PARD3: variants seen among roughly 807,000 people sequenced by gnomAD.
PARD3 encodes the protein par-3 family cell polarity regulator.
Under a neutral mutation model 155.4 loss-of-function variants are expected in PARD3, and 75 were observed. That is an observed-to-expected ratio of 0.48 (90% CI 0.40 to 0.58). PARD3 has a LOEUF of 0.58. Among genes scored for constraint, PARD3 ranks in the 20% least tolerant of loss-of-function variants. PARD3 has a pLI of 0.00. For synonymous variants in PARD3, 576 were observed against 610.5 expected (o/e 0.94, Z 0.83); for missense variants, 1,642 against 1,721.7 (o/e 0.95, Z 0.82).
chr10:34,293,178 T>G (rs1344985901), intron 20 of PARD3, among the ~76,000 whole-genome samples: 3 of 152,180 alleles, frequency 2.0e-5, no homozygotes, highest in Admixed American at 1.3e-4. Flanking sequence ...ACATATAATC[T>G]ATACTTACAG....
At chr10:34,795,925 A>T (rs982912968) in intron 1 of PARD3, among the ~76,000 whole-genome samples, 1 of 145,874 alleles carries the variant, frequency 6.9e-6, no homozygotes, top group East Asian at 2.0e-4. Context: ...TAACATAAAT[A>T]AAAAAATTAA....
intron 24 of PARD3, among the ~76,000 whole-genome samples, chr10:34,115,793 A>C (rs1209656767): frequency 6.6e-6 from 1 of 151,392 alleles, no homozygotes; most frequent in East Asian, 1.9e-4. Context: ...GCTCACTGCA[A>C]GCTCCGCCTC....
At chr10:34,579,502 C>T (rs1026189608) in intron 2 of PARD3, among the ~76,000 whole-genome samples, 2 of 151,416 alleles carry the variant, frequency 1.3e-5, no homozygotes, top group African/African-American at 4.9e-5. Context: ...CGTAAGAAGC[C>T]TAGTTCACTG....
chr10:34,759,146 A>G (rs934268394), intron 1 of PARD3, among the ~76,000 whole-genome samples: 9 of 152,214 alleles, frequency 5.9e-5, no homozygotes, highest in Non-Finnish European at 1.0e-4. Context: ...CTCAATACTG[A>G]GAATAGATAC....
chr10:34,159,906 T>TCAAGG (rs1369846819), intron 22 of PARD3, among the ~76,000 whole-genome samples: 2 of 152,242 alleles, frequency 1.3e-5, no homozygotes, highest in Non-Finnish European at 2.9e-5. Flanking sequence ...TGAATCTGCC[T>TCAAGG]TGATACGAGG....
At chr10:34,607,251 A>G (rs1367608657) in intron 2 of PARD3, among the ~76,000 whole-genome samples, 1 of 152,210 alleles carries the variant, frequency 6.6e-6, no homozygotes, top group African/African-American at 2.4e-5. Flanking sequence ...TTACAGATAA[A>G]TGCACAACAC....
intron 5 of PARD3, among the ~76,000 whole-genome samples, chr10:34,425,944 C>T (rs1387023622): frequency 6.6e-6 from 1 of 152,124 alleles, no homozygotes; most frequent in Admixed American, 6.5e-5. Flanking sequence ...ATCATAAACA[C>T]AACAATGATT....
intron 1 of PARD3, among the ~76,000 whole-genome samples, chr10:34,698,294 C>T (rs1034071907): frequency 1.3e-5 from 2 of 152,164 alleles, no homozygotes; most frequent in Non-Finnish European, 2.9e-5. Flanking sequence ...TGGACTTTCT[C>T]AACCTCATAA....
At chr10:34,128,693 C>T (rs921460978) in intron 23 of PARD3, among the ~76,000 whole-genome samples, 4 of 152,156 alleles carry the variant, frequency 2.6e-5, no homozygotes, top group Non-Finnish European at 5.9e-5. Flanking sequence ...AATTAATCTT[C>T]CTCAAACCCT....
intron 19 of PARD3, among the ~76,000 whole-genome samples, chr10:34,329,529 C>G (rs966982383): frequency 8.6e-5 from 13 of 152,016 alleles, no homozygotes; most frequent in Non-Finnish European, 1.5e-5. Context: ...TCTTGGAGAC[C>G]AGGTTTGGCA....
At chr10:34,674,000 AAC>A (rs1352001742) in intron 2 of PARD3, among the ~76,000 whole-genome samples, 2 of 151,730 alleles carry the variant, frequency 1.3e-5, no homozygotes, top group African/African-American at 4.8e-5. Context: ...AAAAAAAACA[AAC>A]AAACAGGAGG....
intron 22 of PARD3, among the ~76,000 whole-genome samples, chr10:34,203,561 T>C (rs564352991): frequency 3.3e-5 from 5 of 152,358 alleles, no homozygotes; most frequent in African/African-American, 9.6e-5. Context: ...AAATCATCTC[T>C]AGATTGCCTA....
At chr10:34,490,348 G>A (rs1436730) in intron 3 of PARD3, among the ~76,000 whole-genome samples, 11,411 of 152,196 alleles carry the variant, frequency 0.075, 1,311 homozygotes, top group African/African-American at 0.25. Context: ...GGGGATTTGT[G>A]AGAAGAAATG....
intron 15 of PARD3, chr10:34,345,845 G>A: frequency 6.1e-6 from 6 of 984,820 alleles, no homozygotes; most frequent in Non-Finnish European, 7.2e-6. Flanking sequence ...GATTCTTACG[G>A]CCAAAGATAC....
At chr10:34,344,035 G>A (rs111928291) in intron 15 of PARD3, 105 of 963,478 alleles carry the variant, frequency 1.1e-4, no homozygotes, top group South Asian at 1.4e-4. Flanking sequence ...TTCTAAATAC[G>A]TCTTCTTAAA....
At chr10:34,496,418 G>C (rs2080292706) in intron 3 of PARD3, among the ~76,000 whole-genome samples, 1 of 152,072 alleles carries the variant, frequency 6.6e-6, no homozygotes, top group African/African-American at 2.4e-5. Context: ...AAAAGATCCA[G>C]GTAATAATTA....
chr10:34,445,530 A>G lies in PARD3; in HGVS notation c.714+4787T>C, dbSNP rs1589603042. On this transcript the variant is annotated intron_variant, in intron 5 of 24. Coordinates refer to ENST00000374788, the MANE Select transcript of PARD3 (RefSeq NM_001184785.2). ...AGACTTAGGTACCTTCTCAGTCCAC[A>G]TAGACAACTAACTCAAATAACTTCA... is the stretch of plus-strand genomic sequence containing the variant. 2.0e-5 allele frequency among the ~76,000 whole-genome samples: 3 copies of G among 152,322 alleles called. No individual in the cohort carries two copies. In the South Asian group the frequency reaches 6.2e-4, roughly 32 times the overall value.
chr10:34,776,631 A>C (rs1265919487), intron 1 of PARD3, among the ~76,000 whole-genome samples: 1 of 151,952 alleles, frequency 6.6e-6, no homozygotes, highest in African/African-American at 2.4e-5. Flanking sequence ...GATAAGCTAC[A>C]GATAGAATAC....
At chr10:34,148,535 G>A (rs1208167472) in intron 22 of PARD3, among the ~76,000 whole-genome samples, 5 of 151,950 alleles carry the variant, frequency 3.3e-5, no homozygotes, top group Admixed American at 6.6e-5. Context: ...TTTCTGCTAC[G>A]TTATTTTGTT....
Sources: gnomAD v4.1 joint callset for allele counts (sites outside exome capture counted in the v4.1 genomes callset) on GRCh38, gnomAD v4.1.1 for gene constraint, MANE v1.5 for transcripts, NCBI Gene and HGNC (gene_info 2026-07-23, HGNC 2026-07-21) for gene names.